ANO2: variants seen among roughly 807,000 people sequenced by gnomAD.
ANO2 encodes the protein anoctamin 2.
A neutral mutation model predicts 124.2 loss-of-function variants in ANO2; 101 were observed. That is an observed-to-expected ratio of 0.81 (90% CI 0.69 to 0.96). ANO2 has a LOEUF of 0.96. Ranked by LOEUF, ANO2 falls within the 40% of genes least tolerant of loss-of-function variation. The pLI is 0.00. For missense variants in ANO2, 1,293 were observed against 1,274.5 expected, an observed-to-expected ratio of 1.01 and a Z score of -0.22; for synonymous variants, 486 against 482.5, an observed-to-expected ratio of 1.01 and a Z score of -0.09.
chr12:5,726,151 T>A (rs935285366), intron 14 of ANO2, among the ~76,000 whole-genome samples: 2 of 150,924 alleles, frequency 1.3e-5, no homozygotes, highest in Admixed American at 6.6e-5. Flanking sequence ...AAAAAAAAAA[T>A]CCACGCTATT....
chr12:5,882,466 G>A lies in ANO2; in HGVS notation c.535-28325C>T, dbSNP rs573810020. Among the ~76,000 whole-genome samples the A allele has an allele frequency of 2.0e-5, 3 of 152,280 alleles. No homozygotes were observed. In the South Asian group the frequency reaches 6.2e-4, roughly 32 times the overall value. On this transcript the variant is annotated intron_variant, in intron 3 of 24. Coordinates refer to ENST00000682330, the MANE Select transcript of ANO2 (RefSeq NM_001364791.2). ...ATGGTACCTTCAAACAGAAAGGCTGGGACCTGCTCTTCCCCTCCCACAGGC... is the reference window on the plus strand; with the variant it reads ...ATGGTACCTTCAAACAGAAAGGCTGAGACCTGCTCTTCCCCTCCCACAGGC...
chr12:5,627,296 G>A (rs1945466883), intron 16 of ANO2, among the ~76,000 whole-genome samples: 1 of 152,112 alleles, frequency 6.6e-6, no homozygotes. Context: ...CTCCCCCACT[G>A]CCTGAGGCCA....
At chr12:5,603,538 G>A (rs1170825403) in intron 19 of ANO2, among the ~76,000 whole-genome samples, 1 of 152,216 alleles carries the variant, frequency 6.6e-6, no homozygotes, top group East Asian at 1.9e-4. Context: ...GAGGGGCAAA[G>A]AGGTTATTCT....
chr12:5,647,660 C>A, intron 15 of ANO2, 67 bp downstream of exon 15: 1 of 1,208,786 alleles, frequency 8.3e-7, no homozygotes. Context: ...ATATAATACC[C>A]ACAGTAGTCA....
In ANO2 at chr12:5,562,977, C is replaced by A; in HGVS notation, c.*322G>T. ...ATGATGGTGAAGTACAAGAGGGTGC[C>A]CCAGGGTACATGGGAATGCTCGCGG... On this transcript the variant is annotated 3_prime_UTR_variant, in exon 25 of 25. Transcript: ENST00000682330. The A allele has an allele frequency of 3.1e-6, 1 of 318,196 alleles. No homozygotes were observed. The highest frequency in any genetic ancestry group is 5.9e-6 in the Non-Finnish European group (1 of 170,056). The allele number at this position is 318,196 out of a possible 1,614,324, so 19.7% of individuals were successfully genotyped here. A position where few individuals can be genotyped will look rare whatever the true frequency, so the allele number is the denominator to read the frequency against.
In ANO2 at chr12:5,641,338, C is replaced by A. The variant is rs193113692; in HGVS notation, c.1621-5991G>T. Among the ~76,000 whole-genome samples the A allele has an allele frequency of 2.0e-5, 3 of 152,146 alleles. No individual in the cohort carries two copies. In the East Asian group the frequency reaches 5.8e-4, roughly 29 times the overall value. Reference sequence around the variant, plus strand: ...TGTATACCTAGGTAGCAAACCTGCACATTGTGCACATGTACCCTAGAACTT... The same window carrying A: ...TGTATACCTAGGTAGCAAACCTGCAAATTGTGCACATGTACCCTAGAACTT... On this transcript the variant is annotated intron_variant, in intron 15 of 24. Coordinates refer to ENST00000682330, the MANE Select transcript of ANO2 (RefSeq NM_001364791.2).
chr12:5,785,923 C>T (rs1460474917), intron 10 of ANO2, among the ~76,000 whole-genome samples: 2 of 152,098 alleles, frequency 1.3e-5, no homozygotes, highest in African/African-American at 4.8e-5. Flanking sequence ...TGATATACAC[C>T]ATGTGTCCCA....
intron 6 of ANO2, among the ~76,000 whole-genome samples, chr12:5,828,287 G>A (rs539699500): frequency 8.1e-4 from 124 of 152,206 alleles, no homozygotes; most frequent in Non-Finnish European, 1.3e-3. Flanking sequence ...CCTGGAGCCC[G>A]GCTGACAGGG....
intron 3 of ANO2, among the ~76,000 whole-genome samples, chr12:5,895,364 T>C (rs1039496085): frequency 6.6e-6 from 1 of 152,206 alleles, no homozygotes; most frequent in African/African-American, 2.4e-5. Context: ...TTGCTGAAGT[T>C]GCATATCAGC....
chr12:5,753,576 C>T (rs959032771), intron 10 of ANO2, among the ~76,000 whole-genome samples: 3 of 152,056 alleles, frequency 2.0e-5, no homozygotes, highest in Admixed American at 6.6e-5. Context: ...CTTTTATCAA[C>T]GTTTTATAGT....
Position 5,900,561 on chromosome 12 carries a change from AAAC to A in ANO2, c.534+20476_534+20478del, listed in dbSNP as rs530796683. On this transcript the variant is annotated intron_variant, in intron 3 of 24. Coordinates refer to ENST00000682330, the MANE Select transcript of ANO2 (RefSeq NM_001364791.2). The surrounding 1 kb of genome is among the most constrained non-coding windows in gnomAD (Gnocchi z 4.2). ...AGGGCTTACCATAAAATAAAATGGA[AAAC>A]AACAACAACAACAACAAAAAACTAA... 7.3e-5 allele frequency among the ~76,000 whole-genome samples: 11 copies of A among 151,676 alleles called. No individual in the cohort carries two copies. Among genetic ancestry groups the A allele is most frequent in the African/African-American group, 1.2e-4 (5 of 41,192 alleles).
intron 14 of ANO2, among the ~76,000 whole-genome samples, chr12:5,707,851 A>C (rs1949670962): frequency 6.6e-6 from 1 of 152,218 alleles, no homozygotes; most frequent in African/African-American, 2.4e-5. Context: ...GATATGTTCT[A>C]AACAATATTT....
intron 14 of ANO2, among the ~76,000 whole-genome samples, chr12:5,707,938 GC>G (rs1055465423): frequency 2.0e-5 from 3 of 152,076 alleles, no homozygotes; most frequent in African/African-American, 7.2e-5. Context: ...TCTATTTCTG[GC>G]CCAGACTTCT....
chr12:5,611,510 TA>T (rs1291742767), intron 19 of ANO2, among the ~76,000 whole-genome samples: 1 of 152,150 alleles, frequency 6.6e-6, no homozygotes, highest in African/African-American at 2.4e-5. Context: ...CCCTACAGTG[TA>T]AACAGTGTTA....
At chr12:5,713,177 G>A (rs1949877789) in intron 14 of ANO2, among the ~76,000 whole-genome samples, 1 of 152,146 alleles carries the variant, frequency 6.6e-6, no homozygotes, top group African/African-American at 2.4e-5. Context: ...GCAGGAAGGG[G>A]TAAATACCAG....
At chr12:5,735,610 G>A (rs542866089) in intron 13 of ANO2, among the ~76,000 whole-genome samples, 1 of 152,188 alleles carries the variant, frequency 6.6e-6, no homozygotes, top group Non-Finnish European at 1.5e-5. Context: ...AAGCAGAATG[G>A]CTGCTTCAGA....
chr12:5,562,973 G>A lies in ANO2; in HGVS notation c.*326C>T, dbSNP rs1264725605. The A allele has an allele frequency of 3.7e-5, 11 of 301,060 alleles. No homozygotes were observed. Among genetic ancestry groups the A allele is most frequent in the Non-Finnish European group, 6.3e-5 (10 of 159,532 alleles). 18.6% of individuals were successfully genotyped at this position (301,060 alleles called of 1,614,324 possible). ...AGAAATGATGGTGAAGTACAAGAGGGTGCCCCAGGGTACATGGGAATGCTC... is the reference window on the plus strand; with the variant it reads ...AGAAATGATGGTGAAGTACAAGAGGATGCCCCAGGGTACATGGGAATGCTC... On this transcript the variant is annotated 3_prime_UTR_variant, in exon 25 of 25. Coordinates refer to ENST00000682330, the MANE Select transcript of ANO2 (RefSeq NM_001364791.2).
chr12:5,751,725 G>A (rs1407006449), intron 10 of ANO2, among the ~76,000 whole-genome samples: 1 of 149,442 alleles, frequency 6.7e-6, no homozygotes, highest in African/African-American at 2.5e-5. Context: ...TTTCTCTTGT[G>A]TTAAGAGCAA....
chr12:5,751,112 G>T (rs536712188), intron 10 of ANO2, 142 bp from the exon 11 acceptor site: 2 of 768,238 alleles, frequency 2.6e-6, no homozygotes, highest in Non-Finnish European at 4.0e-6. Flanking sequence ...GAGGTTGCAC[G>T]GGGAAGGGGA....
Sources: allele counts gnomAD v4.1 joint callset (sites outside exome capture counted in the v4.1 genomes callset), GRCh38; gene constraint gnomAD v4.1.1; non-coding constraint Gnocchi (gnomAD v3.1); transcripts MANE v1.5; gene names NCBI Gene and HGNC (gene_info 2026-07-23, HGNC 2026-07-21).